Variants in THRB observed in about 807,000 individuals in gnomAD.
THRB encodes the protein nuclear receptor subfamily 1 group A member 2.
In THRB, 12 loss-of-function variants were observed where a neutral mutation model predicts 47.8. The ratio of observed to expected loss-of-function variants is 0.25; its 90% CI spans 0.16 to 0.41. THRB has a LOEUF of 0.41. Among genes scored for constraint, THRB ranks in the 10% least tolerant of loss-of-function variants. THRB has a pLI of 1.00. For synonymous variants in THRB, 218 were observed against 212.2 expected (o/e 1.03, Z -0.24); for missense variants, 348 against 589.2 (o/e 0.59, Z 4.24).
rs116234029 is a variant in THRB, at chr3:24,327,187, T to C, written c.-189+10113A>G. Reference sequence around the variant, plus strand: ...TTGTGTTTAGAATAAAATCGGTAATTAGACGATTTTGTGAGAGAGATGAAC... The same window carrying C: ...TTGTGTTTAGAATAAAATCGGTAATCAGACGATTTTGTGAGAGAGATGAAC... On this transcript the variant is annotated intron_variant, in intron 2 of 10. Transcript: ENST00000646209. 8.0e-3 allele frequency among the ~76,000 whole-genome samples: 1,225 copies of C among 152,196 alleles called. 4 individuals are homozygous for C. Among genetic ancestry groups the C allele is most frequent in the Non-Finnish European group, 0.014 (942 of 67,996 alleles).
At chr3:24,325,534 A>G (rs909295564) in intron 2 of THRB, among the ~76,000 whole-genome samples, 42 of 152,174 alleles carry the variant, frequency 2.8e-4, no homozygotes, top group Non-Finnish European at 1.3e-4. Flanking sequence ...TAAAAATACA[A>G]AAATTAGCTG....
At chr3:24,491,040 T>C (rs966038505) in intron 1 of THRB, among the ~76,000 whole-genome samples, 1 of 152,206 alleles carries the variant, frequency 6.6e-6, no homozygotes, top group African/African-American at 2.4e-5. Flanking sequence ...ATATACTAGT[T>C]GGCAAGCACC....
At chr3:24,478,656 G>A (rs539789359) in intron 1 of THRB, among the ~76,000 whole-genome samples, 25 of 152,266 alleles carry the variant, frequency 1.6e-4, no homozygotes. Context: ...ACAATGATTC[G>A]TAATTTCTGG....
At chr3:24,203,358 G>A (rs1383960980) in intron 4 of THRB, among the ~76,000 whole-genome samples, 2 of 152,174 alleles carry the variant, frequency 1.3e-5, no homozygotes, top group South Asian at 2.1e-4. Context: ...AGGTTGCAGT[G>A]AGTCACTGCA....
chr3:24,348,729 A>G (rs1357723572), intron 1 of THRB: 1 of 152,094 alleles, frequency 6.6e-6, no homozygotes, highest in Non-Finnish European at 1.5e-5. Flanking sequence ...TTTACAACAC[A>G]CTGGGATTGG....
intron 1 of THRB, among the ~76,000 whole-genome samples, chr3:24,491,956 A>C (rs1698203898): frequency 1.3e-5 from 2 of 152,242 alleles, no homozygotes; most frequent in African/African-American, 4.8e-5. Flanking sequence ...TTGCATTGTC[A>C]CTACACAGAA....
intron 2 of THRB, among the ~76,000 whole-genome samples, chr3:24,329,816 T>G (rs1156489276): frequency 2.6e-5 from 4 of 152,322 alleles, no homozygotes; most frequent in Non-Finnish European, 5.9e-5. Flanking sequence ...ATTCTCAAAG[T>G]GTAGTCTCTG....
chr3:24,190,043 C>T (rs1296637120), intron 5 of THRB, 31 bp downstream of exon 5: 1 of 1,611,052 alleles, frequency 6.2e-7, no homozygotes, highest in African/African-American at 1.3e-5. Context: ...TGTTGAAACA[C>T]ATGATAATGG....
intron 1 of THRB, among the ~76,000 whole-genome samples, chr3:24,347,773 G>A (rs911223569): frequency 4.6e-5 from 7 of 151,522 alleles, no homozygotes; most frequent in African/African-American, 1.5e-4. Flanking sequence ...ACTCAAACAG[G>A]AAAAAATAAT....
At chr3:24,413,457 C>T (rs1265449642) in intron 1 of THRB, among the ~76,000 whole-genome samples, 1 of 151,638 alleles carries the variant, frequency 6.6e-6, no homozygotes, top group Non-Finnish European at 1.5e-5. Flanking sequence ...GCAGCATTTG[C>T]CACATATATT....
At chr3:24,381,046 C>A (rs918105054) in intron 1 of THRB, among the ~76,000 whole-genome samples, 1 of 145,628 alleles carries the variant, frequency 6.9e-6, no homozygotes, top group South Asian at 2.2e-4. Context: ...ACTTGGGAGG[C>A]GGAGGTTGCA....
intron 3 of THRB, among the ~76,000 whole-genome samples, chr3:24,291,389 G>A (rs1307137859): frequency 6.6e-6 from 1 of 152,146 alleles, no homozygotes; most frequent in Admixed American, 6.6e-5. Context: ...CAGTGTTTCT[G>A]TGCGCACATG....
intron 1 of THRB, among the ~76,000 whole-genome samples, chr3:24,391,677 C>T (rs2066578208): frequency 6.6e-6 from 1 of 151,992 alleles, no homozygotes. Flanking sequence ...ATTCTGTTTA[C>T]TCCTCTTTAA....
chr3:24,254,604 C>T (rs1275445885), intron 3 of THRB, among the ~76,000 whole-genome samples: 1 of 152,144 alleles, frequency 6.6e-6, no homozygotes, highest in Non-Finnish European at 1.5e-5. Context: ...AGTCTCCCAG[C>T]CTTACAGGCA....
intron 5 of THRB, among the ~76,000 whole-genome samples, chr3:24,168,183 T>C (rs2039903555): frequency 6.6e-6 from 1 of 152,176 alleles, no homozygotes; most frequent in Non-Finnish European, 1.5e-5. Context: ...TTACTATTAG[T>C]TGAAAATGGA....
chr3:24,123,100 C>A lies in THRB; in HGVS notation c.1170G>T (p.Glu390Asp), dbSNP rs774658189. ...SSDRPGLACV[E>D]RIEKYQDSFL... ...AACTATCTTGGTACTTTTCTATTCT[C>A]TCAACACAGGCAAGCCCCGGGCGAT... is the stretch of plus-strand genomic sequence containing the variant. The change falls in exon 11 of 11, where the codon GAG (glutamate) becomes GAT (aspartate). Residue 390 changes from glutamate to aspartate, a missense_variant. Glu to Asp is a conservative substitution (Grantham distance 45). Around this residue, in one of 5 missense-constraint regions of THRB, gnomAD observed 36 missense variants for 51.7 expected, o/e 0.70. Transcript: ENST00000646209. 17 of 1,614,146 alleles carry A rather than the reference C, an allele frequency of 1.1e-5. No homozygotes were observed. The South Asian group carries it at 1.9e-4, about 18-fold the overall frequency.
chr3:24,481,713 T>G (rs1352906920), intron 1 of THRB, among the ~76,000 whole-genome samples: 2 of 151,960 alleles, frequency 1.3e-5, no homozygotes, highest in Non-Finnish European at 2.9e-5. Flanking sequence ...TAATCTCAAT[T>G]CTAATTAATC....
At position 24,426,330 on chromosome 3, in the gene THRB, G is replaced by A. The variant is rs557215394; in HGVS notation, c.-261+68322C>T. Among the ~76,000 whole-genome samples the A allele has an allele frequency of 4.6e-5, 7 of 151,974 alleles. No individual in the cohort carries two copies. The South Asian group carries it at 1.2e-3, about 27-fold the overall frequency. ...TGCTATAGGGGCCACCACAATATTG[G>A]TAGTTATATAAAATTGGGTTGAATC... On this transcript the variant is annotated intron_variant, in intron 1 of 10. Coordinates refer to ENST00000646209, the MANE Select transcript of THRB (RefSeq NM_001354712.2).
intron 1 of THRB, among the ~76,000 whole-genome samples, chr3:24,337,683 C>G (rs1428414812): frequency 2.6e-5 from 4 of 152,150 alleles, no homozygotes; most frequent in Non-Finnish European, 4.4e-5. Context: ...GATTGGCAGT[C>G]TGGGAAGATG....
Sources: allele counts gnomAD v4.1 joint callset (sites outside exome capture counted in the v4.1 genomes callset), GRCh38; gene constraint gnomAD v4.1.1; regional missense constraint gnomAD v4.1.1; transcripts MANE v1.5; gene names NCBI Gene and HGNC (gene_info 2026-07-23, HGNC 2026-07-21).